EEIG1: variants seen among roughly 807,000 people sequenced by gnomAD.
EEIG1 encodes early estrogen-induced gene 1 protein.
chr9:127,957,510 T>C, the EEIG1 span, among the ~76,000 whole-genome samples: 100 of 152,142 alleles, frequency 6.6e-4, no homozygotes, highest in African/African-American at 2.2e-3. Context: ...TCGGAAGACA[T>C]GTTGTTAAGA....
chr9:127,951,008 G>A, the EEIG1 span, among the ~76,000 whole-genome samples: 1 of 152,210 alleles, frequency 6.6e-6, no homozygotes, highest in Non-Finnish European at 1.5e-5. Flanking sequence ...AGGAGCCCCA[G>A]GGAAGGCGCC....
the EEIG1 span, among the ~76,000 whole-genome samples, chr9:127,975,724 C>A: frequency 6.6e-6 from 1 of 152,108 alleles, no homozygotes; most frequent in Non-Finnish European, 1.5e-5. Flanking sequence ...GTACTCCTCT[C>A]CCCTGGCACC....
At chr9:127,961,681 T>G in the EEIG1 span, among the ~76,000 whole-genome samples, 1 of 152,244 alleles carries the variant, frequency 6.6e-6, no homozygotes, top group Admixed American at 6.5e-5. Flanking sequence ...AGGCAGACAG[T>G]GCCCCAACAA....
chr9:127,952,807 G>A, the EEIG1 span, among the ~76,000 whole-genome samples: 20 of 151,516 alleles, frequency 1.3e-4, no homozygotes, highest in African/African-American at 2.2e-4. Flanking sequence ...CCACCCTCCC[G>A]GGTGCAAGCA....
At chr9:127,948,835 G>A in the EEIG1 span, among the ~76,000 whole-genome samples, 2 of 152,252 alleles carry the variant, frequency 1.3e-5, no homozygotes, top group African/African-American at 2.4e-5. Context: ...GGCACAGCAG[G>A]TGGTGGGCAG....
the EEIG1 span, among the ~76,000 whole-genome samples, chr9:127,945,923 C>T: frequency 3.0e-4 from 46 of 152,324 alleles, no homozygotes; most frequent in East Asian, 1.2e-3. This position sits in a 1 kb window ranked among gnomAD's most constrained non-coding sequence, Gnocchi z 6.5. Context: ...GGTCACCCTC[C>T]GAACCCAGGT....
At chr9:127,944,925 C>A in the EEIG1 span, 1 of 1,604,862 alleles carries the variant, frequency 6.2e-7, no homozygotes, top group Non-Finnish European at 8.5e-7. Context: ...GGGGACAAGT[C>A]ACAACGGTCA....
the EEIG1 span, chr9:127,942,083 G>A: frequency 6.5e-6 from 1 of 152,834 alleles, no homozygotes; most frequent in South Asian, 2.1e-4. Context: ...CCCCTTAAAG[G>A]AGCCCTTCCC....
At chr9:127,951,553 C>T in the EEIG1 span, among the ~76,000 whole-genome samples, 3 of 151,930 alleles carry the variant, frequency 2.0e-5, no homozygotes, top group Non-Finnish European at 2.9e-5. Context: ...CGCGGTGGCA[C>T]GCCTGTAATC....
chr9:127,969,901 C>G, the EEIG1 span, among the ~76,000 whole-genome samples: 1 of 151,836 alleles, frequency 6.6e-6, no homozygotes, highest in Non-Finnish European at 1.5e-5. Flanking sequence ...CCCAGCACCA[C>G]CCAAAAGTGT....
the EEIG1 span, among the ~76,000 whole-genome samples, chr9:127,968,597 A>G: frequency 6.6e-6 from 1 of 152,114 alleles, no homozygotes; most frequent in Non-Finnish European, 1.5e-5. Context: ...ATGGAAGGGT[A>G]GGGCCATATT....
the EEIG1 span, among the ~76,000 whole-genome samples, chr9:127,962,206 T>G: frequency 1.3e-5 from 2 of 152,250 alleles, no homozygotes; most frequent in Admixed American, 6.5e-5. Flanking sequence ...AAGTGACATA[T>G]GTAAATGCCC....
chr9:127,959,935 T>C, the EEIG1 span, among the ~76,000 whole-genome samples: 1 of 152,206 alleles, frequency 6.6e-6, no homozygotes, highest in African/African-American at 2.4e-5. Context: ...CTAAAATTTG[T>C]TGTGATGATG....
the EEIG1 span, among the ~76,000 whole-genome samples, chr9:127,959,304 T>C: frequency 6.6e-6 from 1 of 152,254 alleles, no homozygotes; most frequent in Non-Finnish European, 1.5e-5. Flanking sequence ...TACAATGGTG[T>C]ATCATTCAGC....
chr9:127,953,352 T>C, the EEIG1 span: 1 of 573,852 alleles, frequency 1.7e-6, no homozygotes, highest in South Asian at 2.2e-5. Flanking sequence ...AAACTGGCCC[T>C]TTTGCTCTGT....
the EEIG1 span, among the ~76,000 whole-genome samples, chr9:127,975,038 C>T: frequency 1.3e-5 from 2 of 152,366 alleles, no homozygotes; most frequent in Admixed American, 6.5e-5. Flanking sequence ...TGCCTGTGAG[C>T]AGGCCTCCCC....
chr9:127,944,756 C>A, the EEIG1 span: 7 of 1,611,660 alleles, frequency 4.3e-6, no homozygotes, highest in African/African-American at 4.0e-5. Flanking sequence ...GCCTCGCCCC[C>A]ACCAGCCCAG....
chr9:127,964,270 A>G, the EEIG1 span, among the ~76,000 whole-genome samples: 17 of 152,198 alleles, frequency 1.1e-4, no homozygotes, highest in Admixed American at 3.9e-4. Flanking sequence ...CAGAGGGAGG[A>G]TGCAGAGAAT....
the EEIG1 span, among the ~76,000 whole-genome samples, chr9:127,951,761 G>C: frequency 2.7e-5 from 4 of 147,680 alleles, no homozygotes; most frequent in Non-Finnish European, 5.9e-5. Context: ...AGCTTGTAGT[G>C]AGCCGAGATC....
Sources: allele counts gnomAD v4.1 joint callset (sites outside exome capture counted in the v4.1 genomes callset), GRCh38; gene constraint gnomAD v4.1.1; non-coding constraint Gnocchi (gnomAD v3.1); transcripts MANE v1.5; gene names NCBI Gene and HGNC (gene_info 2026-07-23, HGNC 2026-07-21).